The following SOX5 variants were observed in gnomAD, a reference collection of about 807,000 sequenced individuals.
SOX5 encodes transcription factor SOX-5.
In SOX5, 9 loss-of-function variants were observed where a neutral mutation model predicts 92.0. The observed-to-expected ratio is 0.10, with a 90% confidence interval of 0.06 to 0.17. SOX5 has a LOEUF of 0.17. Among genes scored for constraint, SOX5 ranks in the 10% least tolerant of loss-of-function variants. SOX5 has a pLI of 1.00. For missense variants in SOX5, 642 were observed against 944.5 expected (o/e 0.68, Z 4.20); for synonymous variants, 344 against 336.3 (o/e 1.02, Z -0.25).
chr12:23,567,906 G>A (rs1039494388), intron 10 of SOX5, among the ~76,000 whole-genome samples: 2 of 152,172 alleles, frequency 1.3e-5, no homozygotes, highest in South Asian at 4.2e-4. Context: ...AATTTTGGAG[G>A]AGATAAACTC....
intron 8 of SOX5, among the ~76,000 whole-genome samples, chr12:23,609,307 A>G (rs1406467263): frequency 6.6e-6 from 1 of 152,170 alleles, no homozygotes; most frequent in Non-Finnish European, 1.5e-5. Context: ...AATATGTAGT[A>G]AGAGAAAGCC....
intron 2 of SOX5, among the ~76,000 whole-genome samples, chr12:23,850,664 G>C (rs2096623691): frequency 6.6e-6 from 1 of 151,856 alleles, no homozygotes; most frequent in Admixed American, 6.6e-5. Flanking sequence ...TTTAGTTATA[G>C]AAAAAATATA....
chr12:23,770,294 C>G (rs955614239), intron 3 of SOX5, among the ~76,000 whole-genome samples: 2 of 151,710 alleles, frequency 1.3e-5, no homozygotes, highest in African/African-American at 4.8e-5. Context: ...ACCCCACCCA[C>G]CCAACGCAGA....
chr12:24,106,228 A>T (rs1184221371), intron 4 of SOX5, among the ~76,000 whole-genome samples: 1 of 152,084 alleles, frequency 6.6e-6, no homozygotes, highest in African/African-American at 2.4e-5. Context: ...ACCAAGTCCT[A>T]ACAAGTCAAT....
intron 11 of SOX5, among the ~76,000 whole-genome samples, chr12:23,562,326 C>T (rs1251612419): frequency 1.3e-5 from 2 of 152,056 alleles, no homozygotes; most frequent in Admixed American, 6.5e-5. Context: ...CTTCCCTATG[C>T]AGATTGCCAG....
chr12:24,553,788 A>T (rs1953463741), intron 1 of SOX5, among the ~76,000 whole-genome samples: 1 of 152,264 alleles, frequency 6.6e-6, no homozygotes. Flanking sequence ...GGAAGAGAAG[A>T]GCTTCTGGGT....
chr12:23,818,232 C>A (rs2096035725), intron 3 of SOX5, among the ~76,000 whole-genome samples: 1 of 152,044 alleles, frequency 6.6e-6, no homozygotes. Context: ...TTTCACAGAC[C>A]CAGCTGGTAT....
At chr12:23,580,935 T>C (rs1171390214) in intron 9 of SOX5, among the ~76,000 whole-genome samples, 1 of 152,048 alleles carries the variant, frequency 6.6e-6, no homozygotes, top group African/African-American at 2.4e-5. Context: ...CATAAACTTA[T>C]TCCACATAAA....
chr12:23,938,681 C>T lies in SOX5; in HGVS notation c.38+10883G>A, dbSNP rs534381347. On this transcript the variant is annotated intron_variant, in intron 1 of 14. Coordinates refer to ENST00000451604, the MANE Select transcript of SOX5 (RefSeq NM_006940.6). ...ATACTTGCAAAAATAACTATTAGTG[C>T]ATCAGATGTCCTATATATAAAATGA... Among the ~76,000 whole-genome samples the T allele has an allele frequency of 1.2e-4, 18 of 150,982 alleles. No homozygotes were observed. In the East Asian group the frequency reaches 2.9e-3, roughly 25 times the overall value.
intron 1 of SOX5, among the ~76,000 whole-genome samples, chr12:24,495,174 C>T (rs769147274): frequency 6.6e-5 from 10 of 152,176 alleles, no homozygotes; most frequent in Non-Finnish European, 1.2e-4. Context: ...TTCAATTTGG[C>T]TACAACTACA....
rs182754954 is a variant in SOX5 at position 24,147,555 on chromosome 12, G to A, written c.-2+65788C>T. On this transcript the variant is annotated intron_variant, in intron 4 of 4. Coordinates refer to the SOX5 transcript ENST00000446891. ...CACTTTCACAATTTCTGCAGTGGAG[G>A]TTGTATGGGAGTGCAATAAAGCAAG... Among the ~76,000 whole-genome samples, 266 of 152,274 alleles carry A rather than the reference G, an allele frequency of 1.7e-3. 1 individual carries two copies. Among genetic ancestry groups the A allele is most frequent in the African/African-American group, 6.3e-3 (260 of 41,562 alleles).
rs139210260 is a variant in SOX5, at chr12:24,200,374, T to C, written c.-2+12969A>G. ...TAAATTTTAAGTTCTGTAAGATCTT[T>C]ATAATACATCTTAAGTCTTTTATAA... On this transcript the variant is annotated intron_variant, in intron 4 of 4. Transcript: ENST00000446891. Among the ~76,000 whole-genome samples the C allele has an allele frequency of 9.8e-5, 15 of 152,352 alleles. 1 individual carries two copies. The highest frequency in any genetic ancestry group is 3.4e-4 in the African/African-American group (14 of 41,580).
intron 4 of SOX5, among the ~76,000 whole-genome samples, chr12:24,112,408 G>A (rs554531378): frequency 2.0e-5 from 3 of 150,224 alleles, no homozygotes; most frequent in Admixed American, 6.7e-5. Flanking sequence ...AACCTAAAAT[G>A]TTTACTCTCT....
rs560013935 is a variant in SOX5, at chr12:23,634,735, TG to T, written c.1017+6076del. ...TTATCTTAATTAACCAAATTCAAACTGTTTTTTTCTTCTATCAGCCAACCAT... is the reference window on the plus strand; with the variant it reads ...TTATCTTAATTAACCAAATTCAAACTTTTTTTTCTTCTATCAGCCAACCAT... On this transcript the variant is annotated intron_variant, in intron 8 of 14. Transcript: ENST00000451604. 3.0e-3 allele frequency among the ~76,000 whole-genome samples: 453 copies of T among 152,296 alleles called. 1 individual carries two copies. Among genetic ancestry groups the T allele is most frequent in the African/African-American group, 0.01 (434 of 41,560 alleles).
At chr12:23,726,528 T>C (rs2093144163) in intron 6 of SOX5, among the ~76,000 whole-genome samples, 3 of 152,204 alleles carry the variant, frequency 2.0e-5, no homozygotes, top group Non-Finnish European at 4.4e-5. Flanking sequence ...ACCAACATAC[T>C]GACTTCGGCC....
chr12:24,541,238 T>C (rs1423130971), intron 1 of SOX5, among the ~76,000 whole-genome samples: 1 of 152,242 alleles, frequency 6.6e-6, no homozygotes, highest in Non-Finnish European at 1.5e-5. Flanking sequence ...TAGCCTGGGC[T>C]ATTACTGCAC....
At chr12:23,686,341 G>A (rs1412051385) in intron 6 of SOX5, among the ~76,000 whole-genome samples, 1 of 152,124 alleles carries the variant, frequency 6.6e-6, no homozygotes, top group Non-Finnish European at 1.5e-5. Context: ...CCCAGTAAGT[G>A]TTTTATTTAT....
At chr12:24,542,941 T>A (rs868420812) in intron 1 of SOX5, among the ~76,000 whole-genome samples, 1 of 152,246 alleles carries the variant, frequency 6.6e-6, no homozygotes, top group Non-Finnish European at 1.5e-5. Flanking sequence ...AAGAAGATAA[T>A]GAGTCTTCAC....
upstream of SOX5, chr12:23,951,080 A>C (rs570324242): frequency 2.2e-4 from 102 of 473,586 alleles, no homozygotes; most frequent in African/African-American, 1.8e-3. Context: ...GCCCGCCCCA[A>C]TAAGGGAAAG....
Sources: allele counts gnomAD v4.1 joint callset (sites outside exome capture counted in the v4.1 genomes callset), GRCh38; gene constraint gnomAD v4.1.1; transcripts MANE v1.5; gene names NCBI Gene and HGNC (gene_info 2026-07-23, HGNC 2026-07-21).